Variants in LRP1B observed in about 807,000 individuals in gnomAD.
The protein encoded by LRP1B is low-density lipoprotein receptor-related protein 1B.
Under a neutral mutation model 556.6 loss-of-function variants are expected in LRP1B, and 217 were observed. That is an observed-to-expected ratio of 0.39 (90% confidence interval 0.35 to 0.44). The LOEUF (loss-of-function observed/expected upper bound fraction) is 0.44. Among genes scored for constraint, LRP1B ranks in the 20% least tolerant of loss-of-function variants. The pLI, the probability that LRP1B is intolerant of heterozygous loss-of-function variation, is 1.00. For missense variants in LRP1B, 5,053 were observed against 5,620.8 expected (o/e 0.90, Z 3.23); for synonymous variants, 2,047 against 1,865.8 (o/e 1.10, Z -2.50).
At chr2:140,323,825 A>ATAT in intron 81 of LRP1B, 68 bp downstream of exon 81, 1 of 795,540 alleles carries the variant, frequency 1.3e-6, no homozygotes, top group East Asian at 2.8e-5. Flanking sequence ...ATTTAAAAAT[A>ATAT]TATTATTTTG....
intron 15 of LRP1B, among the ~76,000 whole-genome samples, chr2:141,001,877 G>T (rs1438177951): frequency 6.6e-6 from 1 of 152,070 alleles, no homozygotes; most frequent in Non-Finnish European, 1.5e-5. Context: ...TTTTATGCCA[G>T]GAAAACAACT....
intron 7 of LRP1B, among the ~76,000 whole-genome samples, chr2:141,114,785 T>C (rs562307703): frequency 6.6e-6 from 1 of 152,170 alleles, no homozygotes; most frequent in South Asian, 2.1e-4. Context: ...CCTGTTTGTA[T>C]AAATTGTCAG....
intron 3 of LRP1B, among the ~76,000 whole-genome samples, chr2:141,381,635 G>A (rs967481318): frequency 2.0e-5 from 3 of 151,794 alleles, no homozygotes; most frequent in Admixed American, 2.0e-4. Context: ...AAAATAGAAA[G>A]CAATAAGTGA....
At chr2:140,280,003 CT>C (rs1194101441) in intron 84 of LRP1B, among the ~76,000 whole-genome samples, 5 of 151,556 alleles carry the variant, frequency 3.3e-5, no homozygotes, top group African/African-American at 1.2e-4. Context: ...ATGAACTTAC[CT>C]TTGTTGAAGT....
intron 1 of LRP1B, among the ~76,000 whole-genome samples, chr2:141,844,730 A>C (rs1331551016): frequency 1.3e-5 from 2 of 152,072 alleles, no homozygotes; most frequent in African/African-American, 4.8e-5. Context: ...ATAGGAGAAA[A>C]TTATTGTGTC....
At chr2:140,765,335 G>A (rs1017757809) in intron 35 of LRP1B, among the ~76,000 whole-genome samples, 2 of 152,084 alleles carry the variant, frequency 1.3e-5, no homozygotes, top group African/African-American at 4.8e-5. Context: ...GCATCCAATT[G>A]TTTCATTATT....
chr2:141,867,773 C>T (rs1016641308), intron 1 of LRP1B, among the ~76,000 whole-genome samples: 4 of 152,078 alleles, frequency 2.6e-5, no homozygotes, highest in African/African-American at 9.7e-5. Flanking sequence ...AAATGTAACA[C>T]GGTATATTGC....
At chr2:141,794,822 T>C (rs1205241775) in intron 2 of LRP1B, among the ~76,000 whole-genome samples, 3 of 152,024 alleles carry the variant, frequency 2.0e-5, no homozygotes, top group Admixed American at 1.3e-4. Context: ...CCTCAGGAAA[T>C]TATATGTCAA....
chr2:140,714,484 A>G (rs1019170483), intron 37 of LRP1B, among the ~76,000 whole-genome samples: 3 of 152,156 alleles, frequency 2.0e-5, no homozygotes, highest in Admixed American at 1.3e-4. Context: ...AAATGAAAAG[A>G]AAATCCACAG....
At chr2:140,672,117 G>A (rs79496703) in intron 41 of LRP1B, among the ~76,000 whole-genome samples, 1 of 152,050 alleles carries the variant, frequency 6.6e-6, no homozygotes, top group Non-Finnish European at 1.5e-5. Flanking sequence ...TATCTGTTCC[G>A]AAAATACAAT....
rs1559131270 is a variant in LRP1B, at chr2:141,544,343, C to CTTCTTCTTCTT, written c.206-63821_206-63811dup. On this transcript the variant is annotated intron_variant, in intron 2 of 90. Coordinates refer to ENST00000389484, the MANE Select transcript of LRP1B (RefSeq NM_018557.3). ...TCTTCTTCTTCTTCTTCTTCTTCTT[C>CTTCTTCTTCTT]TTCTTCTTCTTCTTCTTCTTCTTCT... 8.0e-4 allele frequency among the ~76,000 whole-genome samples: 67 copies of CTTCTTCTTCTT among 83,486 alleles called. 4 individuals carry two copies. Among genetic ancestry groups the CTTCTTCTTCTT allele is most frequent in the African/African-American group, 2.4e-3 (52 of 21,612 alleles). 54.8% of individuals were successfully genotyped at this position (83,486 alleles called of 152,430 possible).
chr2:141,729,040 T>C (rs1574292189), intron 2 of LRP1B, among the ~76,000 whole-genome samples: 1 of 152,162 alleles, frequency 6.6e-6, no homozygotes, highest in South Asian at 2.1e-4. Flanking sequence ...GGAGTCTCCA[T>C]GTGTTCATTC....
At chr2:142,030,350 T>A (rs984128286) in intron 1 of LRP1B, among the ~76,000 whole-genome samples, 4 of 151,916 alleles carry the variant, frequency 2.6e-5, no homozygotes, top group Non-Finnish European at 5.9e-5. Context: ...GCTAAACATA[T>A]TGATGGTTGT....
intron 2 of LRP1B, among the ~76,000 whole-genome samples, 182 bp downstream of exon 2, chr2:141,810,097 A>G (rs1331751786): frequency 6.7e-5 from 9 of 134,638 alleles, no homozygotes; most frequent in Admixed American, 3.7e-4. Context: ...ATTTGGAAAA[A>G]AGAAAGAAAG....
intron 1 of LRP1B, among the ~76,000 whole-genome samples, chr2:142,044,647 A>G (rs1029803496): frequency 6.6e-5 from 10 of 151,752 alleles, no homozygotes; most frequent in African/African-American, 1.9e-4. Context: ...GGATTACACA[A>G]TCGAAAAGCC....
intron 3 of LRP1B, among the ~76,000 whole-genome samples, chr2:141,294,434 T>A (rs1686101096): frequency 6.6e-6 from 1 of 152,002 alleles, no homozygotes; most frequent in South Asian, 2.1e-4. Context: ...TTATGAAACC[T>A]AAAACAGGTT....
At chr2:141,539,447 C>T (rs1685178134) in intron 2 of LRP1B, among the ~76,000 whole-genome samples, 1 of 152,156 alleles carries the variant, frequency 6.6e-6, no homozygotes, top group Admixed American at 6.6e-5. Flanking sequence ...TTATTGTTCC[C>T]ATTTTGTAAT....
chr2:141,233,767 A>G (rs1683555927), intron 5 of LRP1B, among the ~76,000 whole-genome samples: 1 of 152,140 alleles, frequency 6.6e-6, no homozygotes, highest in Non-Finnish European at 1.5e-5. Flanking sequence ...GTATTCAATT[A>G]TAAGAATATT....
At chr2:141,778,189 G>T (rs1051635234) in intron 2 of LRP1B, among the ~76,000 whole-genome samples, 13 of 152,156 alleles carry the variant, frequency 8.5e-5, no homozygotes, top group Non-Finnish European at 1.5e-4. Context: ...CTATTAGGCA[G>T]AAATCCCACT....
Sources: allele counts gnomAD v4.1 joint callset (sites outside exome capture counted in the v4.1 genomes callset), GRCh38; gene constraint gnomAD v4.1.1; transcripts MANE v1.5; gene names NCBI Gene and HGNC (gene_info 2026-07-23, HGNC 2026-07-21).